The following USH2A variants were observed in gnomAD, a reference collection of about 807,000 sequenced individuals.
USH2A encodes usherin.
A neutral mutation model predicts 538.9 loss-of-function variants in USH2A; 443 were observed. The observed-to-expected ratio is 0.82, with a 90% CI of 0.76 to 0.89. The LOEUF (loss-of-function observed/expected upper bound fraction) is 0.89. USH2A is among the 40% of genes least tolerant of loss of function. The pLI, the probability that USH2A is intolerant of heterozygous loss-of-function variation, is 0.00. For missense variants in USH2A, 6,633 were observed against 6,324.8 expected, an observed-to-expected ratio of 1.05 and a Z score of -1.65; for synonymous variants, 2,413 against 2,273.5, an observed-to-expected ratio of 1.06 and a Z score of -1.75.
chr1:216,192,198 G>T (rs1178335999), intron 19 of USH2A, among the ~76,000 whole-genome samples: 1 of 151,884 alleles, frequency 6.6e-6, no homozygotes, highest in Admixed American at 6.6e-5. Context: ...CTTAGGCAAA[G>T]GTTTCTTACT....
chr1:215,800,575 T>C (rs564071107), intron 49 of USH2A, among the ~76,000 whole-genome samples: 5 of 152,310 alleles, frequency 3.3e-5, no homozygotes, highest in Non-Finnish European at 7.4e-5. Flanking sequence ...TCTCAATTAG[T>C]TCACCTTTTG....
intron 60 of USH2A, among the ~76,000 whole-genome samples, chr1:215,732,836 T>C (rs376485315): frequency 3.3e-5 from 5 of 152,052 alleles, no homozygotes. Context: ...CCACCACACC[T>C]GGCCTCTCCT....
chr1:215,640,266 C>T (rs1054882012), intron 68 of USH2A, among the ~76,000 whole-genome samples: 3 of 152,136 alleles, frequency 2.0e-5, no homozygotes, highest in African/African-American at 7.2e-5. Flanking sequence ...GGTGCTATTT[C>T]TTTTGTGAAC....
intron 30 of USH2A, among the ~76,000 whole-genome samples, chr1:216,062,641 C>T (rs2031223204): frequency 1.3e-5 from 2 of 152,054 alleles, no homozygotes; most frequent in African/African-American, 4.8e-5. Flanking sequence ...TGAGGAAACT[C>T]CAATGTAAGG....
At chr1:215,978,584 A>T (rs996989499) in intron 35 of USH2A, among the ~76,000 whole-genome samples, 4 of 152,244 alleles carry the variant, frequency 2.6e-5, no homozygotes, top group African/African-American at 9.6e-5. Flanking sequence ...AAGTAAGAAA[A>T]GAGTTAAACA....
chr1:215,747,008 T>C, intron 58 of USH2A, among the ~76,000 whole-genome samples: 1 of 152,200 alleles, frequency 6.6e-6, no homozygotes, highest in East Asian at 1.9e-4. Context: ...TGGTGAGTGA[T>C]TAGAATTTTT....
In USH2A at chr1:215,671,258, C is replaced by A. The variant is rs527236124; in HGVS notation, c.13847G>T (p.Gly4616Val). The A allele has an allele frequency of 6.8e-6, 11 of 1,614,026 alleles. No individual in the cohort carries two copies. In the East Asian group the frequency reaches 2.5e-4, roughly 36 times the overall value. ...GAATGTCCAGTCACTTGATGCACAT[C>A]CCAGGGTGGTGCACGCTTGAATTCG... Reference protein sequence around the residue: ...EIRIQACTTLGCASSDWTFIQ... With the variant: ...EIRIQACTTLVCASSDWTFIQ... The change falls in exon 64 of 72, where the codon GGA (glycine) becomes GTA (valine). Residue 4616 changes from glycine (G) to valine (V), a missense_variant. Coordinates refer to ENST00000307340, the MANE Select transcript of USH2A (RefSeq NM_206933.4).
chr1:215,998,583 A>G (rs1162255119), intron 34 of USH2A, among the ~76,000 whole-genome samples: 2 of 152,086 alleles, frequency 1.3e-5, no homozygotes, highest in Non-Finnish European at 2.9e-5. Context: ...CTTTAGAAAA[A>G]GTTCTTAACA....
chr1:215,795,119 T>A (rs114096676), intron 50 of USH2A, among the ~76,000 whole-genome samples: 1 of 152,168 alleles, frequency 6.6e-6, no homozygotes, highest in Non-Finnish European at 1.5e-5. Context: ...CTTCCCTGAG[T>A]GCTAAATAAT....
chr1:215,889,349 T>A (rs1200237718), intron 40 of USH2A, among the ~76,000 whole-genome samples: 4 of 152,138 alleles, frequency 2.6e-5, no homozygotes, highest in African/African-American at 4.8e-5. Context: ...AATGAGGATT[T>A]AAAAAAATAA....
intron 69 of USH2A, among the ~76,000 whole-genome samples, chr1:215,638,944 C>G (rs1656585102): frequency 6.6e-6 from 1 of 151,188 alleles, no homozygotes; most frequent in Non-Finnish European, 1.5e-5. Context: ...CACCACTGCA[C>G]TCCAGCCTGA....
intron 30 of USH2A, among the ~76,000 whole-genome samples, chr1:216,055,751 TA>T (rs1160033135): frequency 2.0e-5 from 3 of 152,204 alleles, no homozygotes; most frequent in African/African-American, 7.2e-5. Context: ...TCAATAAAAA[TA>T]AGGACTTCTA....
Position 216,406,324 on chromosome 1 carries a change from G to C in USH2A, c.651+12190C>G, listed in dbSNP as rs536397574. 1.7e-3 allele frequency among the ~76,000 whole-genome samples: 258 copies of C among 152,240 alleles called. 2 individuals carry two copies. Among genetic ancestry groups the C allele is most frequent in the African/African-American group, 5.9e-3 (246 of 41,542 alleles). On this transcript the variant is annotated intron_variant, in intron 3 of 71. Coordinates refer to ENST00000307340, the MANE Select transcript of USH2A (RefSeq NM_206933.4). ...GGGACTTCTGTATTATTTCTCACAA[G>C]TGCCTGTGAACCTACAATTATCTCA... is the stretch of plus-strand genomic sequence containing the variant.
intron 61 of USH2A, among the ~76,000 whole-genome samples, chr1:215,718,490 ATG>A (rs1184012248): frequency 2.0e-5 from 3 of 152,322 alleles, no homozygotes; most frequent in African/African-American, 7.2e-5. Context: ...ATCAATGTTA[ATG>A]GTCTTTCAAC....
intron 9 of USH2A, among the ~76,000 whole-genome samples, chr1:216,311,799 T>G (rs1385001361): frequency 6.6e-6 from 1 of 152,146 alleles, no homozygotes; most frequent in Admixed American, 6.5e-5. Context: ...AAAGGTGGCA[T>G]GAGTACCTAA....
At chr1:215,912,479 A>G (rs1197791109) in intron 38 of USH2A, among the ~76,000 whole-genome samples, 9 of 31,764 alleles carry the variant, frequency 2.8e-4, no homozygotes, top group Non-Finnish European at 4.5e-4. Flanking sequence ...ATATATACGT[A>G]TATATATATA....
At chr1:215,714,844 A>G (rs934678317) in intron 61 of USH2A, among the ~76,000 whole-genome samples, 2 of 152,152 alleles carry the variant, frequency 1.3e-5, no homozygotes, top group Non-Finnish European at 2.9e-5. Context: ...TTTTGGTGTA[A>G]TAGGTCTAAA....
chr1:216,204,986 T>C (rs1158490189), intron 16 of USH2A, among the ~76,000 whole-genome samples: 1 of 152,208 alleles, frequency 6.6e-6, no homozygotes, highest in Non-Finnish European at 1.5e-5. Flanking sequence ...ATTTATTATG[T>C]AAGAAAATGT....
intron 37 of USH2A, among the ~76,000 whole-genome samples, chr1:215,948,103 T>A (rs114572628): frequency 0.019 from 2,902 of 152,176 alleles, 83 homozygotes; most frequent in African/African-American, 0.064. Context: ...GTCTTTAACA[T>A]CTCTTGTATA....
Sources: gnomAD v4.1 joint callset for allele counts (sites outside exome capture counted in the v4.1 genomes callset) on GRCh38, gnomAD v4.1.1 for gene constraint, MANE v1.5 for transcripts, NCBI Gene and HGNC (gene_info 2026-07-23, HGNC 2026-07-21) for gene names.